Variants in OSBPL1A observed in about 807,000 individuals in gnomAD.
OSBPL1A encodes oxysterol-binding protein-related protein 1.
Under a neutral mutation model 137.1 loss-of-function variants are expected in OSBPL1A, and 80 were observed. The ratio of observed to expected loss-of-function variants is 0.58; its 90% CI spans 0.49 to 0.70. OSBPL1A has a LOEUF of 0.70. Ranked by LOEUF, OSBPL1A falls within the 30% of genes least tolerant of loss-of-function variation. The pLI, the probability that OSBPL1A is intolerant of heterozygous loss-of-function variation, is 0.00. For missense variants in OSBPL1A, 970 were observed against 1,129.4 expected, an observed-to-expected ratio of 0.86 and a Z score of 2.02; for synonymous variants, 365 against 389.7, an observed-to-expected ratio of 0.94 and a Z score of 0.75.
rs112868161 is a variant in OSBPL1A, at chr18:24,188,571, C to T, written c.1678-7292G>A. ...ATTTCTTTTAGTAACTCAGAATGAA[C>T]GCATTCAAGAAAATGGAAAGGCACA... On this transcript the variant is annotated intron_variant, in intron 18 of 27. Coordinates refer to ENST00000319481, the MANE Select transcript of OSBPL1A (RefSeq NM_080597.4). Among the ~76,000 whole-genome samples the T allele has an allele frequency of 8.1e-3, 1,230 of 152,100 alleles. 23 individuals are homozygous for T. Among genetic ancestry groups the T allele is most frequent in the African/African-American group, 0.028 (1,151 of 41,468 alleles).
chr18:24,318,652 AAAACATGTTTTC>A lies in OSBPL1A; in HGVS notation c.688-19_688-8del, dbSNP rs1334087224. ...TCAATGCTTTGTAGATGACCTGTCA[AAAACATGTTTTC>A]ATGAAAAATGCATCTACATATTTCA... is the stretch of plus-strand genomic sequence containing the variant. On this transcript the variant is annotated splice_polypyrimidine_tract_variant and splice_region_variant and intron_variant, in intron 8 of 27. Transcript: ENST00000319481. 3.7e-6 allele frequency: 6 copies of A among 1,609,220 alleles called. No homozygotes were observed. The African/African-American group carries it at 8.0e-5, about 22-fold the overall frequency.
intron 17 of OSBPL1A, among the ~76,000 whole-genome samples, chr18:24,211,513 T>A (rs958472991): frequency 3.3e-5 from 5 of 152,136 alleles, no homozygotes; most frequent in Admixed American, 6.6e-5. Flanking sequence ...AAAACTGTTG[T>A]AACTTTTTTG....
At chr18:24,393,428 C>T (rs775223074) in intron 1 of OSBPL1A, among the ~76,000 whole-genome samples, 1 of 152,094 alleles carries the variant, frequency 6.6e-6, no homozygotes. Context: ...AATAATGCAA[C>T]GTATTTTATT....
chr18:24,168,718 C>T (rs1454345857), intron 24 of OSBPL1A, among the ~76,000 whole-genome samples: 6 of 152,104 alleles, frequency 3.9e-5, no homozygotes, highest in African/African-American at 1.2e-4. Flanking sequence ...ACAAACTTCC[C>T]GCAGCGTCTG....
chr18:24,214,561 T>C (rs1270960767), intron 17 of OSBPL1A, among the ~76,000 whole-genome samples: 6 of 152,194 alleles, frequency 3.9e-5, no homozygotes, highest in African/African-American at 1.4e-4. Flanking sequence ...ACACCTCCAG[T>C]TGGATTAGGA....
intron 4 of OSBPL1A, among the ~76,000 whole-genome samples, chr18:24,351,607 T>G (rs1211593799): frequency 6.6e-6 from 1 of 152,158 alleles, no homozygotes. Flanking sequence ...TGGCACAATC[T>G]TGGCTCGCTG....
chr18:24,346,402 C>T (rs2091345961), intron 4 of OSBPL1A, among the ~76,000 whole-genome samples: 1 of 152,176 alleles, frequency 6.6e-6, no homozygotes, highest in African/African-American at 2.4e-5. Context: ...TGTACATCAT[C>T]ACTATCTAAT....
At chr18:24,283,086 G>C (rs972701480) in intron 14 of OSBPL1A, among the ~76,000 whole-genome samples, 1 of 151,162 alleles carries the variant, frequency 6.6e-6, no homozygotes, top group Non-Finnish European at 1.5e-5. Flanking sequence ...CCAACATGGT[G>C]AAACCCCATC....
intron 7 of OSBPL1A, among the ~76,000 whole-genome samples, chr18:24,328,823 G>A (rs1470983302): frequency 1.3e-5 from 2 of 152,160 alleles, no homozygotes; most frequent in South Asian, 2.1e-4. Flanking sequence ...ATCAAAAAAG[G>A]AATGTAAGAT....
chr18:24,181,739 A>T (rs551586987), intron 18 of OSBPL1A, among the ~76,000 whole-genome samples: 1 of 152,320 alleles, frequency 6.6e-6, no homozygotes, highest in African/African-American at 2.4e-5. Flanking sequence ...TGTTAACTTA[A>T]GCCTCACCAA....
In OSBPL1A at chr18:24,216,010, A is replaced by T. The variant is rs529952023; in HGVS notation, c.1601+9032T>A. On this transcript the variant is annotated intron_variant, in intron 17 of 27. Coordinates refer to ENST00000319481, the MANE Select transcript of OSBPL1A (RefSeq NM_080597.4). ...TTTGTAAAGTAAACTTGAAATAGAA[A>T]TTGGATATTTACCTAAGATATTGAA... Among the ~76,000 whole-genome samples, 12 of 152,348 alleles carry T rather than the reference A, an allele frequency of 7.9e-5. No homozygotes were observed. The South Asian group carries it at 2.5e-3, about 32-fold the overall frequency.
intron 18 of OSBPL1A, among the ~76,000 whole-genome samples, chr18:24,187,578 A>T (rs937179170): frequency 6.6e-6 from 1 of 152,202 alleles, no homozygotes; most frequent in Non-Finnish European, 1.5e-5. Flanking sequence ...AGATGAGATG[A>T]ATTCATTCAT....
At chr18:24,223,240 T>G (rs1567956597) in intron 17 of OSBPL1A, among the ~76,000 whole-genome samples, 1 of 151,934 alleles carries the variant, frequency 6.6e-6, no homozygotes, top group Non-Finnish European at 1.5e-5. Context: ...TGAATACTCT[T>G]GTTTCCTATT....
At chr18:24,249,378 A>G (rs967287284) in intron 15 of OSBPL1A, among the ~76,000 whole-genome samples, 1 of 152,246 alleles carries the variant, frequency 6.6e-6, no homozygotes, top group Non-Finnish European at 1.5e-5. Context: ...ATAGAAGCTT[A>G]CATCCTTTGT....
chr18:24,200,625 C>A (rs2087192366), intron 17 of OSBPL1A, among the ~76,000 whole-genome samples: 1 of 151,348 alleles, frequency 6.6e-6, no homozygotes, highest in South Asian at 2.1e-4. Flanking sequence ...ATTTCAAGGG[C>A]CCAAAAGCCA....
chr18:24,332,428 T>G (rs2091097761), intron 7 of OSBPL1A, among the ~76,000 whole-genome samples: 1 of 145,630 alleles, frequency 6.9e-6, no homozygotes, highest in Non-Finnish European at 1.5e-5. Flanking sequence ...CCCCTAGCAT[T>G]GTGCTGAAGT....
chr18:24,211,679 T>A (rs1444640046), intron 17 of OSBPL1A, among the ~76,000 whole-genome samples: 3 of 146,108 alleles, frequency 2.1e-5, no homozygotes, highest in African/African-American at 2.5e-5. Context: ...AAAAAAAAAA[T>A]TCGGCCAGGC....
chr18:24,337,181 A>G (rs1198307780), intron 5 of OSBPL1A, among the ~76,000 whole-genome samples: 1 of 152,160 alleles, frequency 6.6e-6, no homozygotes, highest in African/African-American at 2.4e-5. Context: ...ATAATTCCAT[A>G]ACCGCTTTCC....
intron 15 of OSBPL1A, among the ~76,000 whole-genome samples, chr18:24,278,273 A>G (rs1599605284): frequency 6.6e-6 from 1 of 152,202 alleles, no homozygotes; most frequent in Non-Finnish European, 1.5e-5. Flanking sequence ...GTGGTCAAAT[A>G]AAAGTTCTTT....
Sources: allele counts gnomAD v4.1 joint callset (sites outside exome capture counted in the v4.1 genomes callset), GRCh38; gene constraint gnomAD v4.1.1; transcripts MANE v1.5; gene names NCBI Gene and HGNC (gene_info 2026-07-23, HGNC 2026-07-21).